The following C7 variants were observed in gnomAD, a reference collection of about 807,000 sequenced individuals.
The protein encoded by C7 is complement C7.
Under a neutral mutation model 104.8 loss-of-function variants are expected in C7, and 83 were observed. The observed-to-expected ratio is 0.79, with a 90% CI of 0.66 to 0.95. C7 has a LOEUF of 0.95. Ranked by LOEUF, C7 falls within the 40% of genes least tolerant of loss-of-function variation. The probability of loss-of-function intolerance (pLI) is 0.00; values close to 1 mark genes in which losing one functional copy is unlikely to be tolerated. For synonymous variants in C7, 415 were observed against 360.6 expected (o/e 1.15, Z -1.71); for missense variants, 1,070 against 1,011.2 (o/e 1.06, Z -0.79).
rs533580792 is a variant in C7 at position 40,971,231 on chromosome 5, A to AT, written c.1883-1171dup. ...TGTAAAAGCGTTCCTATTTCTCCAC[A>AT]TCCCCACCAGCATCTGTTCTTTCCA... On this transcript the variant is annotated intron_variant, in intron 14 of 17. Transcript: ENST00000313164. Among the ~76,000 whole-genome samples the AT allele has an allele frequency of 3.2e-4, 48 of 152,150 alleles. No individual in the cohort carries two copies. The East Asian group carries it at 7.5e-3, about 24-fold the overall frequency.
intron 10 of C7, among the ~76,000 whole-genome samples, chr5:40,956,980 T>A (rs1264962111): frequency 2.0e-5 from 3 of 152,222 alleles, no homozygotes; most frequent in Non-Finnish European, 4.4e-5. Context: ...CTATAAATTA[T>A]CATATTTGTG....
Position 40,937,603 on chromosome 5 carries a change from T to C in C7, c.480T>C (p.Ser160=), listed in dbSNP as rs1197504662. 1 of 1,612,524 alleles carries C rather than the reference T, an allele frequency of 6.2e-7. No homozygotes were observed. The highest frequency in any genetic ancestry group is 2.2e-5 in the East Asian group (1 of 44,796). Residue 160 remains serine, a synonymous_variant, in exon 6 of 18, where the codon AGT becomes AGC. Coordinates refer to ENST00000313164, the MANE Select transcript of C7 (RefSeq NM_000587.4). The part of the protein sequence containing the change: ...QFRNRVINTK[S]FGGQCRKVFS... ...GGAACAGAGTCATCAATACCAAAAGTTTTGGTGGTCAATGTAGAAAGGTGT... is the reference window on the plus strand; with the variant it reads ...GGAACAGAGTCATCAATACCAAAAGCTTTGGTGGTCAATGTAGAAAGGTGT...
intron 2 of C7, among the ~76,000 whole-genome samples, chr5:40,929,636 C>G (rs1454844328): frequency 1.3e-5 from 2 of 152,132 alleles, no homozygotes; most frequent in Non-Finnish European, 2.9e-5. Flanking sequence ...TTCTTTTATT[C>G]TTCGTAGAGC....
chr5:40,932,207 A>G (rs1272792709), intron 3 of C7, among the ~76,000 whole-genome samples: 1 of 152,222 alleles, frequency 6.6e-6, no homozygotes, highest in Non-Finnish European at 1.5e-5. Context: ...CTAACATTAT[A>G]CTATCAGCAA....
chr5:40,964,512 G>C (rs1229674773), intron 13 of C7: 2 of 366,288 alleles, frequency 5.5e-6, no homozygotes, highest in East Asian at 9.6e-5. Context: ...GGTATTTTGG[G>C]AGCAATCAAT....
chr5:40,949,360 C>CA (rs397697540), intron 8 of C7, among the ~76,000 whole-genome samples: 29,776 of 127,630 alleles, frequency 0.23, 3,060 homozygotes, highest in Non-Finnish European at 0.28. Flanking sequence ...AATGCATTGG[C>CA]AAAAAAAAAA....
intron 17 of C7, among the ~76,000 whole-genome samples, chr5:40,980,623 G>A (rs940073703): frequency 3.3e-5 from 5 of 152,190 alleles, no homozygotes; most frequent in Admixed American, 2.0e-4. Flanking sequence ...TGGAATGGCT[G>A]GGTCTCCAGA....
intron 15 of C7, among the ~76,000 whole-genome samples, chr5:40,974,603 A>G (rs987067524): frequency 6.6e-6 from 1 of 151,978 alleles, no homozygotes; most frequent in Non-Finnish European, 1.5e-5. Context: ...TATTTTTAGC[A>G]GAGACGGGGT....
At chr5:40,955,236 G>T in intron 9 of C7, 151 bp from the exon 10 acceptor site, 1 of 647,046 alleles carries the variant, frequency 1.5e-6, no homozygotes. Flanking sequence ...TATCCTTTGT[G>T]CTCTGCCTAT....
Position 40,982,955 on chromosome 5 carries a change from G to T in C7, c.*1382G>T, listed in dbSNP as rs60001990. The T allele has an allele frequency of 0.11, 16,320 of 152,358 alleles. 1,149 individuals are homozygous for T. Among genetic ancestry groups the T allele is most frequent in the Non-Finnish European group, 0.16 (10,638 of 68,002 alleles). The allele number at this position is 152,358 out of a possible 1,614,324, so 9.4% of individuals were successfully genotyped here. On this transcript the variant is annotated 3_prime_UTR_variant, in exon 18 of 18. Transcript: ENST00000313164. ...TTCTTCAGAATTGTTTCATTTGTAT[G>T]ATGTTTCATTTTAGAGAAGATTTTC...
chr5:40,910,993 TA>T (rs1406960285), intron 1 of C7: 3 of 152,176 alleles, frequency 2.0e-5, no homozygotes, highest in African/African-American at 7.2e-5. Flanking sequence ...TAATAATAAA[TA>T]TACTTCTATC....
At chr5:40,953,459 G>A (rs953554848) in intron 9 of C7, among the ~76,000 whole-genome samples, 9 of 152,142 alleles carry the variant, frequency 5.9e-5, no homozygotes, top group African/African-American at 2.2e-4. Context: ...TGGCCAACAA[G>A]GTGAAACCCT....
intron 17 of C7, chr5:40,980,149 G>A (rs1293671318): frequency 5.5e-6 from 2 of 362,976 alleles, no homozygotes; most frequent in Non-Finnish European, 9.8e-6. Flanking sequence ...CCCAAACAGG[G>A]GTGATTCCAT....
intron 16 of C7, among the ~76,000 whole-genome samples, chr5:40,977,720 G>T (rs1021374501): frequency 1.3e-5 from 2 of 152,212 alleles, no homozygotes; most frequent in East Asian, 3.9e-4. Flanking sequence ...GGCCGAGGAA[G>T]TCCACGATGT....
chr5:40,970,737 T>C (rs1740681148), intron 14 of C7, among the ~76,000 whole-genome samples: 2 of 152,136 alleles, frequency 1.3e-5, no homozygotes, highest in African/African-American at 4.8e-5. Context: ...TAGGTATTTT[T>C]CCTAATGCTT....
intron 5 of C7, among the ~76,000 whole-genome samples, chr5:40,936,857 C>A (rs1284209574): frequency 6.6e-6 from 1 of 151,956 alleles, no homozygotes; most frequent in Non-Finnish European, 1.5e-5. Flanking sequence ...AATGAAGAGA[C>A]AATAGAATGA....
intron 16 of C7, 73 bp from the exon 17 acceptor site, chr5:40,979,652 C>A: frequency 7.8e-7 from 1 of 1,275,216 alleles, no homozygotes; most frequent in Non-Finnish European, 1.1e-6. Context: ...CTCAGAGCAT[C>A]ACTTTTCATT....
At chr5:40,968,517 G>A (rs1740607735) in intron 14 of C7, among the ~76,000 whole-genome samples, 2 of 135,346 alleles carry the variant, frequency 1.5e-5, no homozygotes, top group African/African-American at 2.7e-5. Context: ...CTATTATAGA[G>A]TTTTAAATTT....
At chr5:40,936,650 G>A (rs1739824147) in intron 5 of C7, among the ~76,000 whole-genome samples, 165 bp downstream of exon 5, 1 of 152,124 alleles carries the variant, frequency 6.6e-6, no homozygotes, top group Non-Finnish European at 1.5e-5. Flanking sequence ...GTTCACACAT[G>A]TATACCTGTA....
Sources: gnomAD v4.1 joint callset for allele counts (sites outside exome capture counted in the v4.1 genomes callset) on GRCh38, gnomAD v4.1.1 for gene constraint, MANE v1.5 for transcripts, NCBI Gene and HGNC (gene_info 2026-07-23, HGNC 2026-07-21) for gene names.